RERE: variants seen among roughly 807,000 people sequenced by gnomAD.
RERE encodes the protein arginine-glutamic acid dipeptide repeats.
In RERE, 40 loss-of-function variants were observed where a neutral mutation model predicts 146.1. The observed-to-expected ratio is 0.27, with a 90% CI of 0.21 to 0.36. The LOEUF (loss-of-function observed/expected upper bound fraction) is 0.36, where lower values mean the gene tolerates loss of function less well. RERE is among the 10% of genes least tolerant of loss of function. The pLI, the probability that RERE is intolerant of heterozygous loss-of-function variation, is 1.00. For synonymous variants in RERE, 1,003 were observed against 866.0 expected, an observed-to-expected ratio of 1.16 and a Z score of -2.78; for missense variants, 1,933 against 2,138.7, an observed-to-expected ratio of 0.90 and a Z score of 1.90.
At position 8,711,157 on chromosome 1, in the gene RERE, C is replaced by CAAAAAA. The variant is rs57814312; in HGVS notation, c.-144-54722_-144-54717dup. On this transcript the variant is annotated intron_variant, in intron 1 of 22. Coordinates refer to ENST00000400908, the MANE Select transcript of RERE (RefSeq NM_001042681.2). The stretch of plus-strand genomic sequence containing the variant: ...GGGTGACAGAGTGTGACTCTGTCTC[C>CAAAAAA]AAAAAAAAAAAAAAAAAAAAAAAAA... Among the ~76,000 whole-genome samples the CAAAAAA allele has an allele frequency of 3.0e-3, 204 of 68,264 alleles. 11 individuals carry two copies. Among genetic ancestry groups the CAAAAAA allele is most frequent in the African/African-American group, 0.011 (175 of 16,032 alleles). 44.8% of individuals were successfully genotyped at this position (68,264 alleles called of 152,430 possible). A position where few individuals can be genotyped will look rare whatever the true frequency, so the allele number is the denominator to read the frequency against.
At chr1:8,429,048 T>C (rs1644057030) in intron 11 of RERE, among the ~76,000 whole-genome samples, 1 of 152,148 alleles carries the variant, frequency 6.6e-6, no homozygotes, top group Non-Finnish European at 1.5e-5. Context: ...CGTCATGGTA[T>C]GAGAAAGGCA....
rs1570024159 is a variant in RERE at position 8,358,720 on chromosome 1, T to G, written c.3815A>C (p.His1272Pro). ...GGGGTTAAGGGGCATGTAGAAGGGG[T>G]GGTTGCGGTTGGTGGGCGACATGAC... ...PHVMSPTNRN[H>P]PFYMPLNPTD... is the part of the protein sequence containing the mutation. The change falls in exon 20 of 23, where the codon CAC becomes CCC. Residue 1272 changes from histidine (H) to proline (P), a missense_variant. Coordinates refer to ENST00000400908, the MANE Select transcript of RERE (RefSeq NM_001042681.2). 2 of 1,599,988 alleles carry G rather than the reference T, an allele frequency of 1.3e-6. No homozygotes were observed. The highest frequency in any genetic ancestry group is 2.7e-5 in the African/African-American group (2 of 73,964).
intron 12 of RERE, among the ~76,000 whole-genome samples, chr1:8,371,252 C>T (rs972353635): frequency 6.6e-6 from 1 of 152,098 alleles, no homozygotes; most frequent in Non-Finnish European, 1.5e-5. Flanking sequence ...TAAATTTTTC[C>T]CACAGGTCAT....
At chr1:8,543,495 C>T (rs1398828792) in intron 6 of RERE, among the ~76,000 whole-genome samples, 5 of 152,020 alleles carry the variant, frequency 3.3e-5, no homozygotes, top group South Asian at 2.1e-4. Context: ...TATTATTGTT[C>T]GTTATTTCAC....
chr1:8,709,567 G>C (rs1230626610), intron 1 of RERE, among the ~76,000 whole-genome samples: 1 of 152,008 alleles, frequency 6.6e-6, no homozygotes, highest in Non-Finnish European at 1.5e-5. Context: ...TTTGTCTGAG[G>C]GTTCACTTGT....
chr1:8,381,287 A>AG (rs1642447315), intron 12 of RERE, among the ~76,000 whole-genome samples: 1 of 152,134 alleles, frequency 6.6e-6, no homozygotes, highest in African/African-American at 2.4e-5. Flanking sequence ...GCAAGTGAAC[A>AG]GGGGATGTGG....
intron 10 of RERE, among the ~76,000 whole-genome samples, chr1:8,482,025 C>G (rs908040571): frequency 1.3e-5 from 2 of 152,064 alleles, no homozygotes; most frequent in African/African-American, 4.8e-5. Context: ...ATAAAAATGG[C>G]TAATACCACC....
At chr1:8,742,327 T>C (rs1345714890) in intron 1 of RERE, among the ~76,000 whole-genome samples, 1 of 152,176 alleles carries the variant, frequency 6.6e-6, no homozygotes, top group Non-Finnish European at 1.5e-5. Flanking sequence ...AAAGGGAATA[T>C]CTCTCTGGCT....
intron 8 of RERE, among the ~76,000 whole-genome samples, chr1:8,500,846 C>T (rs1269057485): frequency 2.7e-5 from 4 of 147,060 alleles, no homozygotes; most frequent in Non-Finnish European, 5.9e-5. Context: ...GTGAGGAGCA[C>T]CTCTGCTGGG....
intron 7 of RERE, among the ~76,000 whole-genome samples, chr1:8,530,938 G>T (rs1224163915): frequency 6.6e-6 from 1 of 151,492 alleles, no homozygotes; most frequent in Non-Finnish European, 1.5e-5. Flanking sequence ...TGATCCACCC[G>T]CCTCGGCCTC....
chr1:8,518,669 A>T (rs1645452127), intron 7 of RERE, among the ~76,000 whole-genome samples: 1 of 152,234 alleles, frequency 6.6e-6, no homozygotes, highest in African/African-American at 2.4e-5. Flanking sequence ...TTAAGAAGGA[A>T]GACTAGTGCA....
In RERE at chr1:8,623,592, C is replaced by T. The variant is rs962153208; in HGVS notation, c.396+718G>A. Reference sequence around the variant, plus strand: ...GTGAGATCAATTTATTTACATCAAGCTTAGCATGTTTATTTGCAGACCTCT... The same window carrying T: ...GTGAGATCAATTTATTTACATCAAGTTTAGCATGTTTATTTGCAGACCTCT... On this transcript the variant is annotated intron_variant, in intron 3 of 22. Transcript: ENST00000400908. 1.4e-4 allele frequency among the ~76,000 whole-genome samples: 21 copies of T among 152,178 alleles called. 1 individual carries two copies. The highest frequency in any genetic ancestry group is 1.2e-3 in the Admixed American group (19 of 15,274).
At chr1:8,561,494 G>A (rs1003539128) in intron 4 of RERE, among the ~76,000 whole-genome samples, 5 of 152,308 alleles carry the variant, frequency 3.3e-5, no homozygotes, top group African/African-American at 9.6e-5. Context: ...TGCAACCTGA[G>A]TGGAGTCCCC....
chr1:8,803,425 G>A (rs1312831875), intron 1 of RERE, among the ~76,000 whole-genome samples: 2 of 151,994 alleles, frequency 1.3e-5, no homozygotes, highest in Non-Finnish European at 2.9e-5. Context: ...AGCCAAGATT[G>A]TGCCACTGCA....
chr1:8,740,782 T>C (rs540751539), intron 1 of RERE, among the ~76,000 whole-genome samples: 1 of 152,278 alleles, frequency 6.6e-6, no homozygotes, highest in South Asian at 2.1e-4. Context: ...CAATGGAAGG[T>C]CTCCAGGGTC....
At chr1:8,591,905 C>T (rs1156855398) in intron 4 of RERE, among the ~76,000 whole-genome samples, 7 of 152,152 alleles carry the variant, frequency 4.6e-5, no homozygotes, top group Admixed American at 3.3e-4. Flanking sequence ...CTTAAAGATG[C>T]TGCTACCATT....
At chr1:8,600,552 G>A (rs1005464948) in intron 4 of RERE, among the ~76,000 whole-genome samples, 3 of 152,070 alleles carry the variant, frequency 2.0e-5, no homozygotes, top group African/African-American at 7.2e-5. Flanking sequence ...AAAAGAAAAA[G>A]CCAGGGGGAA....
intron 1 of RERE, among the ~76,000 whole-genome samples, chr1:8,752,080 T>C (rs572046246): frequency 5.9e-5 from 9 of 152,258 alleles, no homozygotes; most frequent in South Asian, 2.1e-4. Context: ...CCACTATTAT[T>C]ATCCCCATTT....
chr1:8,642,193 G>A (rs1163441091), intron 2 of RERE, among the ~76,000 whole-genome samples: 2 of 152,166 alleles, frequency 1.3e-5, no homozygotes. Flanking sequence ...ATATAGGACT[G>A]GCCCTTTCTG....
Sources: gnomAD v4.1 joint callset for allele counts (sites outside exome capture counted in the v4.1 genomes callset) on GRCh38, gnomAD v4.1.1 for gene constraint, MANE v1.5 for transcripts, NCBI Gene and HGNC (gene_info 2026-07-23, HGNC 2026-07-21) for gene names.